The following GPR158 variants were observed in gnomAD, a reference collection of about 807,000 sequenced individuals.
GPR158 encodes the protein G protein-coupled receptor 158.
A neutral mutation model predicts 78.2 loss-of-function variants in GPR158; 30 were observed. That is an observed-to-expected ratio of 0.38 (90% CI 0.29 to 0.52). The LOEUF (loss-of-function observed/expected upper bound fraction) is 0.52. Ranked by LOEUF, GPR158 falls within the 20% of genes least tolerant of loss-of-function variation. The probability of loss-of-function intolerance (pLI) is 0.83; values close to 1 mark genes in which losing one functional copy is unlikely to be tolerated. For missense variants in GPR158, 1,463 were observed against 1,523.5 expected, an observed-to-expected ratio of 0.96 and a Z score of 0.66; for synonymous variants, 581 against 591.1, an observed-to-expected ratio of 0.98 and a Z score of 0.25.
intron 2 of GPR158, among the ~76,000 whole-genome samples, chr10:25,389,012 G>A (rs1834258131): frequency 6.6e-6 from 1 of 152,250 alleles, no homozygotes; most frequent in Non-Finnish European, 1.5e-5. Context: ...CAATGAGCAT[G>A]GGAGGGAGGC....
At chr10:25,181,168 C>T (rs1031337407) in intron 1 of GPR158, among the ~76,000 whole-genome samples, 1 of 152,162 alleles carries the variant, frequency 6.6e-6, no homozygotes, top group Non-Finnish European at 1.5e-5. Context: ...GTAGGCTTAC[C>T]TACAGGAATA....
chr10:25,182,396 AC>A, intron 1 of GPR158, among the ~76,000 whole-genome samples: 1 of 152,202 alleles, frequency 6.6e-6, no homozygotes, highest in African/African-American at 2.4e-5. Flanking sequence ...CTTTTTAAAA[AC>A]AACCTGTTTT....
At chr10:25,314,515 C>A (rs187063641) in intron 2 of GPR158, among the ~76,000 whole-genome samples, 96 of 152,084 alleles carry the variant, frequency 6.3e-4, no homozygotes, top group Admixed American at 5.6e-3. Flanking sequence ...TCTTAAAAAA[C>A]AAGTATATTT....
At chr10:25,557,310 C>T (rs1836798814) in intron 6 of GPR158, among the ~76,000 whole-genome samples, 1 of 152,230 alleles carries the variant, frequency 6.6e-6, no homozygotes, top group South Asian at 2.1e-4. Context: ...TGTGACCTCT[C>T]ACTTCCTGCA....
At chr10:25,586,567 TAATTTTTTA>T (rs1400276354) in intron 7 of GPR158, among the ~76,000 whole-genome samples, 2 of 151,810 alleles carry the variant, frequency 1.3e-5, no homozygotes, top group Non-Finnish European at 2.9e-5. Context: ...CACACCAGGC[TAATTTTTTA>T]AATTTTTTTA....
intron 2 of GPR158, among the ~76,000 whole-genome samples, chr10:25,274,298 TATCAC>T (rs1854155368): frequency 6.6e-6 from 1 of 152,226 alleles, no homozygotes; most frequent in East Asian, 1.9e-4. Flanking sequence ...TAGGTGGTCT[TATCAC>T]ATCCTATATA....
chr10:25,455,122 T>G (rs2130605678), intron 4 of GPR158, among the ~76,000 whole-genome samples: 1 of 152,316 alleles, frequency 6.6e-6, no homozygotes, highest in East Asian at 1.9e-4. Context: ...GATGGGGAAC[T>G]TAAATAGAAA....
At chr10:25,517,629 T>C (rs1300724225) in intron 5 of GPR158, among the ~76,000 whole-genome samples, 1 of 152,134 alleles carries the variant, frequency 6.6e-6, no homozygotes, top group African/African-American at 2.4e-5. Context: ...ATTGAGATAA[T>C]CATGTGGTTT....
At chr10:25,367,539 T>C (rs1028287077) in intron 2 of GPR158, among the ~76,000 whole-genome samples, 1 of 151,828 alleles carries the variant, frequency 6.6e-6, no homozygotes, top group African/African-American at 2.4e-5. Flanking sequence ...TTGGAAGTTA[T>C]TATAGCCATA....
intron 2 of GPR158, among the ~76,000 whole-genome samples, chr10:25,353,120 A>C (rs2130522036): frequency 6.6e-6 from 1 of 152,168 alleles, no homozygotes; most frequent in African/African-American, 2.4e-5. Flanking sequence ...CAAGGGCAGT[A>C]ATGACTTTAA....
At position 25,599,392 on chromosome 10, in the gene GPR158, A is replaced by C. The variant is rs866499225; in HGVS notation, c.*118A>C. The C allele has an allele frequency of 2.5e-5, 20 of 799,562 alleles. No individual in the cohort carries two copies. The Middle Eastern group carries it at 2.0e-3, about 79-fold the overall frequency. 49.5% of individuals were successfully genotyped at this position (799,562 alleles called of 1,614,324 possible). A position where few individuals can be genotyped will look rare whatever the true frequency, so the allele number is the denominator to read the frequency against. ...ATCAAGGAAAACATGACAGATGGTG[A>C]GGTAAAGTCAAAGGCATGGGTAGAA... On this transcript the variant is annotated 3_prime_UTR_variant, in exon 11 of 11. Transcript: ENST00000376351.
intron 5 of GPR158, among the ~76,000 whole-genome samples, chr10:25,516,707 T>C (rs1422707470): frequency 1.9e-5 from 2 of 106,632 alleles, no homozygotes; most frequent in Non-Finnish European, 3.7e-5. Context: ...TTCTGAGGGC[T>C]CTGTTCTGTT....
intron 6 of GPR158, among the ~76,000 whole-genome samples, chr10:25,559,490 G>T (rs1370334626): frequency 2.6e-5 from 4 of 152,092 alleles, no homozygotes. Flanking sequence ...AAAATATTAG[G>T]TGTGAACAGA....
rs147547382 is a variant in GPR158 at position 25,550,200 on chromosome 10, T to G, written c.1405-776T>G. On this transcript the variant is annotated intron_variant, in intron 5 of 10. Coordinates refer to ENST00000376351, the MANE Select transcript of GPR158 (RefSeq NM_020752.3). ...GTAGAAATATTTATCACAGTACCTA[T>G]GTTACTTGAATGCAATTTCCTATTT... Among the ~76,000 whole-genome samples, 10 of 152,310 alleles carry G rather than the reference T, an allele frequency of 6.6e-5. No homozygotes were observed. The East Asian group carries it at 1.7e-3, about 26-fold the overall frequency.
intron 2 of GPR158, among the ~76,000 whole-genome samples, chr10:25,326,365 A>T (rs578249549): frequency 3.8e-5 from 2 of 51,962 alleles, no homozygotes; most frequent in East Asian, 4.5e-4. Context: ...TTGTTGCTTT[A>T]CCCATTTTTA....
intron 2 of GPR158, among the ~76,000 whole-genome samples, chr10:25,359,717 A>T (rs940153631): frequency 1.3e-5 from 2 of 152,188 alleles, no homozygotes; most frequent in Non-Finnish European, 2.9e-5. Context: ...TGCAATAAAC[A>T]TATGTGTACA....
chr10:25,414,042 C>G (rs1032794604), intron 4 of GPR158, among the ~76,000 whole-genome samples: 4 of 151,022 alleles, frequency 2.6e-5, no homozygotes, highest in Non-Finnish European at 1.5e-5. Context: ...GTCTGTCTAA[C>G]AAACTTCTCT....
At chr10:25,466,315 T>C (rs1835422869) in intron 4 of GPR158, 2 of 195,432 alleles carry the variant, frequency 1.0e-5, no homozygotes, top group South Asian at 2.7e-4. Flanking sequence ...AACCCTTCGA[T>C]CGAGAAAAGA....
At chr10:25,541,412 T>C (rs1209267918) in intron 5 of GPR158, among the ~76,000 whole-genome samples, 3 of 152,096 alleles carry the variant, frequency 2.0e-5, no homozygotes, top group African/African-American at 7.2e-5. Context: ...TGAAATCAAA[T>C]TTCTTGATCT....
Sources: allele counts gnomAD v4.1 joint callset (sites outside exome capture counted in the v4.1 genomes callset), GRCh38; gene constraint gnomAD v4.1.1; transcripts MANE v1.5; gene names NCBI Gene and HGNC (gene_info 2026-07-23, HGNC 2026-07-21).